Variants in SLC22A14 observed in about 807,000 individuals in gnomAD.
SLC22A14 encodes the protein organic cation transporter-like 4.
Under a neutral mutation model 53.9 loss-of-function variants are expected in SLC22A14, and 50 were observed. The observed-to-expected ratio is 0.93, with a 90% CI of 0.74 to 1.17. SLC22A14 has a LOEUF of 1.17. Ranked by LOEUF, SLC22A14 falls within the 50% of genes most tolerant of loss-of-function variation. SLC22A14 has a pLI of 0.00. For synonymous variants in SLC22A14, 312 were observed against 303.0 expected (o/e 1.03, Z -0.31); for missense variants, 671 against 734.7 (o/e 0.91, Z 1.00).
At chr3:38,289,214 AAATG>A (rs1222014063) in intron 1 of SLC22A14, among the ~76,000 whole-genome samples, 2 of 151,908 alleles carry the variant, frequency 1.3e-5, no homozygotes, top group African/African-American at 4.8e-5. Context: ...AATTGCAAAA[AAATG>A]AACACAGACT....
intron 1 of SLC22A14, 50 bp downstream of exon 1, chr3:38,282,389 G>C (rs1436765552): frequency 6.6e-6 from 1 of 152,462 alleles, no homozygotes; most frequent in Non-Finnish European, 1.5e-5. Context: ...GGCAGGGCCG[G>C]GAGGGTGTGG....
chr3:38,313,693 T>TGTGGGTGTGTGTGCGCGCGCGCGCGA, intron 7 of SLC22A14, 34 bp from the exon 8 acceptor site: 1 of 1,333,664 alleles, frequency 7.5e-7, no homozygotes, highest in Non-Finnish European at 1.1e-6. Flanking sequence ...TGTGCGCGCG[T>TGTGGGTGTGTGTGCGCGCGCGCGCGA]GTGCACGCGC....
chr3:38,280,094 C>T (rs917357841), upstream of SLC22A14, among the ~76,000 whole-genome samples: 7 of 152,202 alleles, frequency 4.6e-5, no homozygotes, highest in African/African-American at 1.7e-4. Flanking sequence ...GTGTTTCATA[C>T]TCACTCCCCC....
intron 2 of SLC22A14, 88 bp downstream of exon 2, chr3:38,306,630 C>A: frequency 1.5e-6 from 2 of 1,327,068 alleles, no homozygotes; most frequent in Non-Finnish European, 2.1e-6. Context: ...GAAACCGAAG[C>A]TCAGAGATGG....
At position 38,292,622 on chromosome 3, in the gene SLC22A14, T is replaced by A. The variant is rs1703938307; in HGVS notation, c.-1+10283T>A. ...TTGGGCCTCGTGTCTAAGGGGGTACTGCCTTTGGTAGGGAAAGGAGGCAGA... is the reference window on the plus strand; with the variant it reads ...TTGGGCCTCGTGTCTAAGGGGGTACAGCCTTTGGTAGGGAAAGGAGGCAGA... On this transcript the variant is annotated intron_variant, in intron 1 of 10. Transcript: ENST00000448498. Among the ~76,000 whole-genome samples, 3 of 152,142 alleles carry A rather than the reference T, an allele frequency of 2.0e-5. No homozygotes were observed. The South Asian group carries it at 6.2e-4, about 31-fold the overall frequency.
At chr3:38,286,263 T>A (rs1466985763) in intron 1 of SLC22A14, among the ~76,000 whole-genome samples, 1 of 151,952 alleles carries the variant, frequency 6.6e-6, no homozygotes, top group Non-Finnish European at 1.5e-5. Flanking sequence ...ACTTCTAAAG[T>A]TTTGTCAATC....
intron 1 of SLC22A14, among the ~76,000 whole-genome samples, chr3:38,286,553 GAC>G (rs1366378785): frequency 6.6e-6 from 1 of 150,532 alleles, no homozygotes; most frequent in African/African-American, 2.4e-5. Context: ...TGGGATTACA[GAC>G]GTGTGCCACC....
At position 38,307,743 on chromosome 3, in the gene SLC22A14, C is replaced by T. The variant is rs977203916; in HGVS notation, c.775+23C>T. The T allele has an allele frequency of 1.9e-6, 3 of 1,612,744 alleles. No homozygotes were observed. The Admixed American group carries it at 5.0e-5, about 27-fold the overall frequency. On this transcript the variant is annotated intron_variant, in intron 4 of 10. Coordinates refer to ENST00000448498, the MANE Select transcript of SLC22A14 (RefSeq NM_001320033.2). This position sits in a 1 kb window ranked among gnomAD's most constrained non-coding sequence, Gnocchi z 4.4. Reference sequence around the variant, plus strand: ...TGGGTGAGACTGGGCCTCAATGGGGCAGGGCAGGGTGGCACAGGGGCATGG... The same window carrying T: ...TGGGTGAGACTGGGCCTCAATGGGGTAGGGCAGGGTGGCACAGGGGCATGG...
At position 38,313,701 on chromosome 3, in the gene SLC22A14, C is replaced by T. The variant is rs374850374; in HGVS notation, c.1164-26C>T. The T allele has an allele frequency of 4.9e-4, 746 of 1,537,654 alleles. 1 individual carries two copies. In the African/African-American group the frequency reaches 6.9e-3, roughly 14 times the overall value. ...CCGTGTGTGTGCGCGCGTGTGCACG[C>T]GCACTTGCCTCCTGGCTTCATCCAG... On this transcript the variant is annotated intron_variant, in intron 7 of 10. Coordinates refer to ENST00000448498, the MANE Select transcript of SLC22A14 (RefSeq NM_001320033.2).
intron 1 of SLC22A14, among the ~76,000 whole-genome samples, chr3:38,294,102 G>A (rs746964534): frequency 2.0e-5 from 3 of 151,832 alleles, no homozygotes; most frequent in Non-Finnish European, 2.9e-5. Flanking sequence ...TGCTTGGAGG[G>A]GGCATAATAG....
intron 1 of SLC22A14, among the ~76,000 whole-genome samples, chr3:38,295,774 C>A (rs1266431571): frequency 6.6e-6 from 1 of 151,668 alleles, no homozygotes; most frequent in Non-Finnish European, 1.5e-5. Flanking sequence ...TCCTCTCTGT[C>A]TGTCTCTGTC....
intron 7 of SLC22A14, 50 bp from the exon 8 acceptor site, chr3:38,313,677 C>CGTGTGTGT: frequency 2.9e-5 from 22 of 762,536 alleles, no homozygotes; most frequent in Non-Finnish European, 4.0e-5. Flanking sequence ...TTCCTGGCTC[C>CGTGTGTGT]GTGTGTGTGC....
intron 1 of SLC22A14, among the ~76,000 whole-genome samples, chr3:38,301,468 A>C (rs9811569): frequency 0.016 from 2,499 of 152,312 alleles, 71 homozygotes; most frequent in African/African-American, 0.056. Context: ...GCATACTTTT[A>C]CAAGTTATAT....
intron 1 of SLC22A14, among the ~76,000 whole-genome samples, chr3:38,287,129 A>G (rs1030141614): frequency 3.9e-5 from 6 of 151,904 alleles, no homozygotes; most frequent in African/African-American, 7.3e-5. Flanking sequence ...GTGTGTGCAA[A>G]TATCTCCTTC....
chr3:38,292,241 T>A (rs1310788027), intron 1 of SLC22A14, among the ~76,000 whole-genome samples: 1 of 152,212 alleles, frequency 6.6e-6, no homozygotes, highest in African/African-American at 2.4e-5. Context: ...GGGGGCTATA[T>A]CCCTGAACTC....
intron 6 of SLC22A14, 121 bp from the exon 7 acceptor site, chr3:38,313,267 C>A (rs1287506616): frequency 1.4e-6 from 2 of 1,401,080 alleles, no homozygotes; most frequent in Non-Finnish European, 2.0e-6. Flanking sequence ...TTGAACCCTG[C>A]CAGGGAAGGC....
At chr3:38,298,386 A>G (rs1293566531) in intron 1 of SLC22A14, among the ~76,000 whole-genome samples, 1 of 152,166 alleles carries the variant, frequency 6.6e-6, no homozygotes, top group Non-Finnish European at 1.5e-5. Flanking sequence ...TTTCTAGGCC[A>G]TCTAGTGGAC....
chr3:38,280,264 G>A (rs992800430), upstream of SLC22A14, among the ~76,000 whole-genome samples: 2 of 152,184 alleles, frequency 1.3e-5, no homozygotes, highest in African/African-American at 4.8e-5. Context: ...CAGGGAGACA[G>A]ATTCAAGCTG....
intron 10 of SLC22A14, 113 bp from the exon 11 acceptor site, chr3:38,318,085 A>G (rs1704670265): frequency 1.1e-6 from 1 of 933,830 alleles, no homozygotes; most frequent in Non-Finnish European, 1.7e-6. Flanking sequence ...CGGAGTGAGA[A>G]AGCCTCACCT....
Sources: allele counts gnomAD v4.1 joint callset (sites outside exome capture counted in the v4.1 genomes callset), GRCh38; gene constraint gnomAD v4.1.1; non-coding constraint Gnocchi (gnomAD v3.1); transcripts MANE v1.5; gene names NCBI Gene and HGNC (gene_info 2026-07-23, HGNC 2026-07-21).